NKAIN3: variants seen among roughly 807,000 people sequenced by gnomAD.
NKAIN3 encodes sodium/potassium-transporting ATPase subunit beta-1-interacting protein 3.
In NKAIN3, 25 loss-of-function variants were observed where a neutral mutation model predicts 30.2. That is an observed-to-expected ratio of 0.83 (90% CI 0.60 to 1.16). The LOEUF (loss-of-function observed/expected upper bound fraction) is 1.16. Ranked by LOEUF, NKAIN3 falls within the 50% of genes most tolerant of loss-of-function variation. NKAIN3 has a pLI of 0.00. For missense variants in NKAIN3, 225 were observed against 254.1 expected, an observed-to-expected ratio of 0.89 and a Z score of 0.78; for synonymous variants, 91 against 89.6, an observed-to-expected ratio of 1.02 and a Z score of -0.09.
intron 1 of NKAIN3, among the ~76,000 whole-genome samples, chr8:62,264,876 A>G (rs1776469485): frequency 6.6e-6 from 1 of 152,084 alleles, no homozygotes; most frequent in Non-Finnish European, 1.5e-5. Context: ...CTTTCTCACT[A>G]GCCACATGTT....
chr8:62,466,000 G>T (rs142860934), intron 1 of NKAIN3, among the ~76,000 whole-genome samples: 1 of 151,996 alleles, frequency 6.6e-6, no homozygotes, highest in East Asian at 1.9e-4. Flanking sequence ...CTCCAGCCTG[G>T]GGCAACAGAG....
At chr8:62,342,998 A>G (rs1326022864) in intron 1 of NKAIN3, among the ~76,000 whole-genome samples, 1 of 152,088 alleles carries the variant, frequency 6.6e-6, no homozygotes, top group African/African-American at 2.4e-5. Flanking sequence ...AGTGGAAAAT[A>G]CAAGTATGGG....
chr8:62,328,190 A>G (rs909799808), intron 1 of NKAIN3, among the ~76,000 whole-genome samples: 2 of 152,128 alleles, frequency 1.3e-5, no homozygotes, highest in African/African-American at 4.8e-5. Context: ...CTGGAAAACA[A>G]TGCCAGTGCA....
chr8:62,654,538 T>C (rs1215114559), intron 3 of NKAIN3, among the ~76,000 whole-genome samples: 1 of 152,130 alleles, frequency 6.6e-6, no homozygotes, highest in South Asian at 2.1e-4. Flanking sequence ...ACTGGTCAAC[T>C]ACAGAAGATC....
At chr8:62,722,333 G>A (rs936403040) in intron 3 of NKAIN3, among the ~76,000 whole-genome samples, 11 of 152,074 alleles carry the variant, frequency 7.2e-5, no homozygotes, top group African/African-American at 2.7e-4. Flanking sequence ...GTAGTGGCTT[G>A]GAAGCCCTCT....
chr8:62,807,044 A>T (rs1818315461), intron 4 of NKAIN3, among the ~76,000 whole-genome samples: 1 of 152,052 alleles, frequency 6.6e-6, no homozygotes. Context: ...TTCTTTCACT[A>T]CTTTGTACAT....
intron 3 of NKAIN3, among the ~76,000 whole-genome samples, chr8:62,744,073 C>A (rs1478137762): frequency 1.3e-5 from 2 of 152,088 alleles, no homozygotes; most frequent in Non-Finnish European, 2.9e-5. Flanking sequence ...AAGAGGAATA[C>A]TAATTTCTAT....
At chr8:62,347,863 A>G (rs938660007) in intron 1 of NKAIN3, among the ~76,000 whole-genome samples, 13 of 152,118 alleles carry the variant, frequency 8.5e-5, no homozygotes, top group African/African-American at 3.1e-4. Flanking sequence ...TCCTAGCCAA[A>G]GAATACACTT....
Position 62,341,566 on chromosome 8 carries a change from A to G in NKAIN3, c.54+92439A>G, listed in dbSNP as rs143883211. Reference sequence around the variant, plus strand: ...TTGAACTACAGTGGATTAACTCTCCAAAGAAATTACCTTTGTTCAAATATG... The same window carrying G: ...TTGAACTACAGTGGATTAACTCTCCGAAGAAATTACCTTTGTTCAAATATG... On this transcript the variant is annotated intron_variant, in intron 1 of 6. Transcript: ENST00000623646. Among the ~76,000 whole-genome samples the G allele has an allele frequency of 6.7e-4, 102 of 152,200 alleles. 2 individuals are homozygous for G. In the East Asian group the frequency reaches 0.017, roughly 25 times the overall value.
At chr8:62,598,876 C>A (rs1251688615) in intron 3 of NKAIN3, among the ~76,000 whole-genome samples, 1 of 152,006 alleles carries the variant, frequency 6.6e-6, no homozygotes, top group Non-Finnish European at 1.5e-5. Flanking sequence ...CTGTTGTCCA[C>A]CTGCTCACTA....
intron 3 of NKAIN3, among the ~76,000 whole-genome samples, chr8:62,682,240 C>T (rs557277786): frequency 2.0e-5 from 3 of 152,206 alleles, no homozygotes; most frequent in Admixed American, 6.5e-5. Flanking sequence ...ATCCAGATTA[C>T]AGGAAGGACT....
intron 4 of NKAIN3, among the ~76,000 whole-genome samples, chr8:62,747,742 G>C (rs999957245): frequency 6.6e-6 from 1 of 152,154 alleles, no homozygotes; most frequent in Non-Finnish European, 1.5e-5. Context: ...CCACAATGAA[G>C]AGTGGAATTA....
chr8:62,349,591 C>G (rs1816118660), intron 1 of NKAIN3, among the ~76,000 whole-genome samples: 1 of 152,112 alleles, frequency 6.6e-6, no homozygotes, highest in African/African-American at 2.4e-5. Flanking sequence ...TGGGTACAGA[C>G]AGTAAAGCAT....
At chr8:62,803,360 G>A (rs966558242) in intron 4 of NKAIN3, among the ~76,000 whole-genome samples, 1 of 152,036 alleles carries the variant, frequency 6.6e-6, no homozygotes, top group Non-Finnish European at 1.5e-5. Flanking sequence ...CCACATAGTT[G>A]GAAGTAAAGC....
At chr8:62,738,898 A>T (rs1376493879) in intron 3 of NKAIN3, among the ~76,000 whole-genome samples, 1 of 152,176 alleles carries the variant, frequency 6.6e-6, no homozygotes, top group Non-Finnish European at 1.5e-5. Context: ...GGATAAAGAA[A>T]ATGTGGCACA....
intron 1 of NKAIN3, among the ~76,000 whole-genome samples, chr8:62,282,505 G>T (rs551932313): frequency 6.6e-6 from 1 of 152,154 alleles, no homozygotes; most frequent in Admixed American, 6.6e-5. Flanking sequence ...GACCTGGACT[G>T]TGTTTTCCCC....
intron 4 of NKAIN3, among the ~76,000 whole-genome samples, chr8:62,909,472 G>A (rs116048699): frequency 0.017 from 2,538 of 152,226 alleles, 88 homozygotes; most frequent in African/African-American, 0.058. Flanking sequence ...AATCAAGACT[G>A]TTGTGCTGAT....
intron 4 of NKAIN3, among the ~76,000 whole-genome samples, chr8:62,802,369 G>A (rs530943727): frequency 6.6e-6 from 1 of 152,316 alleles, no homozygotes; most frequent in African/African-American, 2.4e-5. Flanking sequence ...CAGCCAGAGA[G>A]AAAGGTTGGG....
chr8:62,741,748 C>A (rs145061755), intron 3 of NKAIN3, among the ~76,000 whole-genome samples: 107 of 152,256 alleles, frequency 7.0e-4, no homozygotes, highest in African/African-American at 2.3e-3. Flanking sequence ...GGCTCCATGT[C>A]AGGTAAAACT....
Sources: gnomAD v4.1 joint callset for allele counts (sites outside exome capture counted in the v4.1 genomes callset) on GRCh38, gnomAD v4.1.1 for gene constraint, MANE v1.5 for transcripts, NCBI Gene and HGNC (gene_info 2026-07-23, HGNC 2026-07-21) for gene names.